BEND7: variants seen among roughly 807,000 people sequenced by gnomAD.
The protein encoded by BEND7 is BEN domain-containing protein 7.
In BEND7, 28 loss-of-function variants were observed where a neutral mutation model predicts 50.9. The ratio of observed to expected loss-of-function variants is 0.55; its 90% confidence interval spans 0.41 to 0.75. BEND7 has a LOEUF of 0.75. Among genes scored for constraint, BEND7 ranks in the 30% least tolerant of loss-of-function variants. The probability of loss-of-function intolerance (pLI) is 0.00; values close to 1 mark genes in which losing one functional copy is unlikely to be tolerated. For synonymous variants in BEND7, 170 were observed against 183.9 expected (o/e 0.92, Z 0.61); for missense variants, 477 against 491.3 (o/e 0.97, Z 0.28).
chr10:13,461,945 C>A (rs7913260), intron 6 of BEND7, among the ~76,000 whole-genome samples: 14,481 of 152,084 alleles, frequency 0.095, 723 homozygotes, highest in Admixed American at 0.13. Flanking sequence ...GAAAAACAGG[C>A]CTGCTAGAGA....
chr10:13,480,132 G>A (rs2075754790), intron 6 of BEND7, among the ~76,000 whole-genome samples: 1 of 152,134 alleles, frequency 6.6e-6, no homozygotes, highest in Non-Finnish European at 1.5e-5. Flanking sequence ...GTTCTTTTTG[G>A]TAAGAACTAA....
At chr10:13,497,436 G>T (rs976995302) in intron 3 of BEND7, among the ~76,000 whole-genome samples, 4 of 152,192 alleles carry the variant, frequency 2.6e-5, no homozygotes, top group African/African-American at 7.2e-5. Context: ...TTTGGGGTGG[G>T]GAAGCACAGA....
chr10:13,445,992 G>C (rs536952689), intron 8 of BEND7: 1 of 152,294 alleles, frequency 6.6e-6, no homozygotes, highest in South Asian at 2.1e-4. Context: ...GCTGATATGC[G>C]TGCCCTGATA....
At chr10:13,513,434 A>G (rs754380988) in intron 2 of BEND7, among the ~76,000 whole-genome samples, 17 of 152,180 alleles carry the variant, frequency 1.1e-4, no homozygotes, top group Non-Finnish European at 2.2e-4. Context: ...AAGCAACCTT[A>G]ACATCATGTC....
At chr10:13,484,135 G>A (rs565164783) in intron 5 of BEND7, among the ~76,000 whole-genome samples, 163 of 152,290 alleles carry the variant, frequency 1.1e-3, no homozygotes, top group Non-Finnish European at 1.8e-3. Flanking sequence ...TAGTGGAGGC[G>A]GTGGTGGCAG....
At chr10:13,525,843 A>G (rs981683419) in intron 2 of BEND7, among the ~76,000 whole-genome samples, 1 of 152,214 alleles carries the variant, frequency 6.6e-6, no homozygotes, top group Non-Finnish European at 1.5e-5. Flanking sequence ...ACGAATATGC[A>G]ATGTAAATGG....
chr10:13,471,793 A>G (rs924046654), intron 6 of BEND7, among the ~76,000 whole-genome samples: 3 of 152,270 alleles, frequency 2.0e-5, no homozygotes, highest in Non-Finnish European at 2.9e-5. Flanking sequence ...TGACAGAAAC[A>G]GCTGAAGGAG....
intron 3 of BEND7, among the ~76,000 whole-genome samples, chr10:13,498,533 G>T (rs992269407): frequency 7.9e-5 from 12 of 152,066 alleles, no homozygotes; most frequent in Non-Finnish European, 4.4e-5. Context: ...TACTGATGTG[G>T]GGTTTATTAA....
intron 6 of BEND7, among the ~76,000 whole-genome samples, chr10:13,472,296 A>G (rs1214068884): frequency 2.0e-5 from 3 of 149,974 alleles, no homozygotes; most frequent in East Asian, 2.0e-4. Context: ...CATCATCACT[A>G]TTAGACTTGG....
intron 6 of BEND7, among the ~76,000 whole-genome samples, chr10:13,474,989 T>C (rs1288326041): frequency 6.6e-6 from 1 of 152,214 alleles, no homozygotes. Context: ...AATCTATCTC[T>C]TAGCATGGGA....
intron 7 of BEND7, among the ~76,000 whole-genome samples, chr10:13,449,443 G>A (rs1305758808): frequency 6.6e-6 from 1 of 152,202 alleles, no homozygotes; most frequent in African/African-American, 2.4e-5. Flanking sequence ...CATAAGGAAA[G>A]TGAGACAGAG....
At chr10:13,495,945 C>G (rs973855214) in intron 4 of BEND7, among the ~76,000 whole-genome samples, 3 of 152,188 alleles carry the variant, frequency 2.0e-5, no homozygotes, top group East Asian at 1.9e-4. Context: ...TGATTTATTT[C>G]TTGTACCTGT....
intron 6 of BEND7, among the ~76,000 whole-genome samples, chr10:13,470,564 C>T (rs1221950434): frequency 1.3e-5 from 2 of 152,198 alleles, no homozygotes; most frequent in Admixed American, 1.3e-4. Context: ...AAAAGCCACA[C>T]CCTTCTTAAC....
intron 6 of BEND7, among the ~76,000 whole-genome samples, chr10:13,453,309 G>A (rs1011461322): frequency 1.4e-4 from 21 of 152,298 alleles, no homozygotes; most frequent in African/African-American, 4.8e-4. Context: ...CACACGCAGC[G>A]CTGGGGTTGA....
intron 2 of BEND7, chr10:13,511,407 G>C (rs1046658888): frequency 6.6e-6 from 1 of 152,170 alleles, no homozygotes; most frequent in Non-Finnish European, 1.5e-5. Flanking sequence ...AAGGAAAAAT[G>C]ATCTAGAAGA....
At chr10:13,463,562 T>A (rs574061966) in intron 6 of BEND7, among the ~76,000 whole-genome samples, 1 of 152,096 alleles carries the variant, frequency 6.6e-6, no homozygotes, top group South Asian at 2.1e-4. Flanking sequence ...TTGAATTAAA[T>A]CTCTACCTCA....
intron 6 of BEND7, among the ~76,000 whole-genome samples, chr10:13,474,650 C>T (rs867792865): frequency 9.9e-5 from 15 of 152,156 alleles, no homozygotes; most frequent in Middle Eastern, 3.2e-3. Context: ...GGTCGATACC[C>T]GTCATCGCTG....
chr10:13,478,012 C>T (rs915623212), intron 6 of BEND7, among the ~76,000 whole-genome samples: 1 of 152,142 alleles, frequency 6.6e-6, no homozygotes, highest in Non-Finnish European at 1.5e-5. Context: ...TTAAGGTACA[C>T]AGGGGCACCG....
intron 6 of BEND7, among the ~76,000 whole-genome samples, chr10:13,456,060 G>C (rs1838890672): frequency 6.6e-6 from 1 of 152,166 alleles, no homozygotes; most frequent in South Asian, 2.1e-4. Context: ...CAGAAGAACA[G>C]GGATATAAGC....
Sources: gnomAD v4.1 joint callset for allele counts (sites outside exome capture counted in the v4.1 genomes callset) on GRCh38, gnomAD v4.1.1 for gene constraint, MANE v1.5 for transcripts, NCBI Gene and HGNC (gene_info 2026-07-23, HGNC 2026-07-21) for gene names.